DUSP22: variants seen among roughly 807,000 people sequenced by gnomAD.
The protein encoded by DUSP22 is dual specificity phosphatase 22.
Under a neutral mutation model 24.5 loss-of-function variants are expected in DUSP22, and 24 were observed. The observed-to-expected ratio is 0.98, with a 90% CI of 0.71 to 1.38. The LOEUF (loss-of-function observed/expected upper bound fraction) is 1.38, where lower values mean the gene tolerates loss of function less well. DUSP22 is among the 40% of genes most tolerant of loss of function. The probability of loss-of-function intolerance (pLI) is 0.00; values close to 1 mark genes in which losing one functional copy is unlikely to be tolerated. For missense variants in DUSP22, 330 were observed against 269.2 expected (o/e 1.23, Z -1.58); for synonymous variants, 160 against 106.4 (o/e 1.50, Z -3.10).
chr6:348,043 G>A (rs1759966146), intron 5 of DUSP22, 60 bp from the exon 6 acceptor site: 5 of 1,600,530 alleles, frequency 3.1e-6, no homozygotes, highest in Admixed American at 1.7e-5. Context: ...CACATGGATT[G>A]GGCGATGAAC....
intron 3 of DUSP22, among the ~76,000 whole-genome samples, chr6:334,388 A>G (rs1416895900): frequency 3.3e-5 from 5 of 152,188 alleles, no homozygotes; most frequent in Admixed American, 6.5e-5. Flanking sequence ...TCCCTCCGAA[A>G]GAGAAACAGC....
chr6:307,251 CCTT>C (rs1226887400), intron 2 of DUSP22, among the ~76,000 whole-genome samples: 8 of 152,416 alleles, frequency 5.2e-5, no homozygotes, highest in Non-Finnish European at 1.0e-4. Flanking sequence ...ACAGTCACTC[CCTT>C]CTTCTGTCCC....
At chr6:311,211 T>G (rs1333762498) in intron 2 of DUSP22, among the ~76,000 whole-genome samples, 2 of 152,310 alleles carry the variant, frequency 1.3e-5, no homozygotes, top group Non-Finnish European at 2.9e-5. Flanking sequence ...GGCATCAGTC[T>G]AGGGACCACA....
At chr6:329,695 A>T (rs1581176328) in intron 3 of DUSP22, among the ~76,000 whole-genome samples, 1 of 152,308 alleles carries the variant, frequency 6.6e-6, no homozygotes, top group Non-Finnish European at 1.5e-5. Flanking sequence ...CTCGTGGCTC[A>T]CCTGCCTTGC....
At chr6:306,005 G>C (rs1207382122) in intron 2 of DUSP22, among the ~76,000 whole-genome samples, 1 of 152,306 alleles carries the variant, frequency 6.6e-6, no homozygotes. Flanking sequence ...GCCTCAAAGA[G>C]AATTGAGCAC....
chr6:332,060 C>G (rs532002163), intron 3 of DUSP22, among the ~76,000 whole-genome samples: 17 of 152,414 alleles, frequency 1.1e-4, no homozygotes, highest in Admixed American at 1.0e-3. Flanking sequence ...TCCTTGCACT[C>G]ATCTGGCAGT....
At chr6:339,819 T>C (rs1183323057) in intron 4 of DUSP22, among the ~76,000 whole-genome samples, 3 of 152,310 alleles carry the variant, frequency 2.0e-5, no homozygotes, top group African/African-American at 7.2e-5. Flanking sequence ...CTTTCAACTC[T>C]CTTTTTCTCT....
chr6:323,882 A>G (rs1758723499), intron 3 of DUSP22, among the ~76,000 whole-genome samples: 1 of 152,312 alleles, frequency 6.6e-6, no homozygotes, highest in African/African-American at 2.4e-5. Context: ...TCAGCCCCGC[A>G]GCACCCAAGT....
chr6:305,520 T>C (rs1757782196), intron 2 of DUSP22, among the ~76,000 whole-genome samples: 2 of 152,308 alleles, frequency 1.3e-5, no homozygotes, highest in Admixed American at 6.5e-5. Context: ...CAGATTCTTC[T>C]CATCTGGTGC....
intron 1 of DUSP22, among the ~76,000 whole-genome samples, chr6:302,479 C>T (rs949046776): frequency 7.2e-5 from 11 of 152,302 alleles, no homozygotes; most frequent in Admixed American, 4.6e-4. Context: ...TCTTGGGCTG[C>T]AGGTCCTGAG....
Position 349,178 on chromosome 6 carries a change from C to G in DUSP22, c.*227C>G. On this transcript the variant is annotated 3_prime_UTR_variant, in exon 7 of 7. Coordinates refer to ENST00000419235, the MANE Select transcript of DUSP22 (RefSeq NM_001286555.3). ...AGCTTGCTGCCCCTGGGGATGTTGC[C>G]CAGTGGCTGTGCACTGCTCTGTGCA... 1 of 1,426,516 alleles carries G rather than the reference C, an allele frequency of 7.0e-7. No individual in the cohort carries two copies. The highest frequency in any genetic ancestry group is 9.1e-7 in the Non-Finnish European group (1 of 1,095,008). The allele number at this position is 1,426,516 out of a possible 1,614,324, so 88.4% of individuals were successfully genotyped here.
At chr6:302,855 G>A (rs902772727) in intron 1 of DUSP22, among the ~76,000 whole-genome samples, 15 of 152,416 alleles carry the variant, frequency 9.8e-5, no homozygotes, top group South Asian at 6.2e-4. Flanking sequence ...TGGATGGAAA[G>A]CCAAGGGCAG....
chr6:294,292 TC>T (rs1757224624), intron 1 of DUSP22, among the ~76,000 whole-genome samples: 1 of 152,292 alleles, frequency 6.6e-6, no homozygotes, highest in African/African-American at 2.4e-5. Flanking sequence ...TTTAGAGACT[TC>T]CCTGCTTCAA....
rs529095877 is a variant in DUSP22, at chr6:329,204, T to A, written c.139-5910T>A. Among the ~76,000 whole-genome samples the A allele has an allele frequency of 2.6e-5, 4 of 152,414 alleles. No homozygotes were observed. In the South Asian group the frequency reaches 8.3e-4, roughly 32 times the overall value. The stretch of plus-strand genomic sequence containing the variant: ...CTCCTGGGTCTACGATCTTCAAGAG[T>A]GTGGCCAGACGGTTTTCACAGTTTG... On this transcript the variant is annotated intron_variant, in intron 3 of 6. Transcript: ENST00000419235.
chr6:295,429 C>T (rs1414849366), intron 1 of DUSP22, among the ~76,000 whole-genome samples: 1 of 152,248 alleles, frequency 6.6e-6, no homozygotes, highest in Non-Finnish European at 1.5e-5. Flanking sequence ...GCAGATTATA[C>T]AGAAGATGGA....
chr6:333,733 C>T (rs894464840), intron 3 of DUSP22, among the ~76,000 whole-genome samples: 8 of 152,426 alleles, frequency 5.2e-5, no homozygotes, highest in African/African-American at 1.9e-4. Context: ...CAGCCCACCC[C>T]TGCCCCACCT....
intron 2 of DUSP22, among the ~76,000 whole-genome samples, chr6:308,529 C>A (rs1020678526): frequency 6.6e-6 from 1 of 152,308 alleles, no homozygotes; most frequent in Non-Finnish European, 1.5e-5. Context: ...AGGGGAGGTG[C>A]TGGCCCCGGA....
chr6:336,362 GC>G (rs374359319), intron 4 of DUSP22, among the ~76,000 whole-genome samples: 3 of 152,418 alleles, frequency 2.0e-5, no homozygotes, highest in African/African-American at 7.2e-5. Flanking sequence ...CCCCTTTTAT[GC>G]CCCAAGCACT....
rs1385861195 is a variant in DUSP22, at chr6:350,132, A to C, written c.*1181A>C. The C allele has an allele frequency of 1.0e-5, 10 of 985,990 alleles. No homozygotes were observed. Among genetic ancestry groups the C allele is most frequent in the Admixed American group, 1.2e-4 (2 of 16,312 alleles). 61.1% of individuals were successfully genotyped at this position (985,990 alleles called of 1,614,324 possible). A position where few individuals can be genotyped will look rare whatever the true frequency, so the allele number is the denominator to read the frequency against. ...TTGGAAAGGTGTTTTTTGGTATGCA[A>C]GTCAGCTTTGCCTCACAGTTGAAAA... is the stretch of plus-strand genomic sequence containing the variant. On this transcript the variant is annotated 3_prime_UTR_variant, in exon 7 of 7. Coordinates refer to ENST00000419235, the MANE Select transcript of DUSP22 (RefSeq NM_001286555.3).
Sources: gnomAD v4.1 joint callset for allele counts (sites outside exome capture counted in the v4.1 genomes callset) on GRCh38, gnomAD v4.1.1 for gene constraint, MANE v1.5 for transcripts, NCBI Gene and HGNC (gene_info 2026-07-23, HGNC 2026-07-21) for gene names.